The following CNTNAP2 variants were observed in gnomAD, a reference collection of about 807,000 sequenced individuals.
The protein encoded by CNTNAP2 is contactin-associated protein-like 2.
A neutral mutation model predicts 155.2 loss-of-function variants in CNTNAP2; 98 were observed. The ratio of observed to expected loss-of-function variants is 0.63; its 90% CI spans 0.54 to 0.75. The LOEUF is 0.75. CNTNAP2 is among the 30% of genes least tolerant of loss of function. The pLI is 0.00. For synonymous variants in CNTNAP2, 651 were observed against 631.2 expected (o/e 1.03, Z -0.47); for missense variants, 1,727 against 1,688.1 (o/e 1.02, Z -0.40).
chr7:146,127,929 CA>C (rs1797659697), intron 1 of CNTNAP2, among the ~76,000 whole-genome samples: 1 of 152,062 alleles, frequency 6.6e-6, no homozygotes, highest in African/African-American at 2.4e-5. Flanking sequence ...TTTAATATGA[CA>C]AAAATATAAT....
rs1395426662 is a variant in CNTNAP2 at position 148,069,490 on chromosome 7, C to T, written c.2384-48628C>T. Among the ~76,000 whole-genome samples the T allele has an allele frequency of 6.6e-5, 10 of 152,158 alleles. 1 individual carries two copies. The highest frequency in any genetic ancestry group is 3.9e-4 in the Admixed American group (6 of 15,274). On this transcript the variant is annotated intron_variant, in intron 15 of 23. Coordinates refer to ENST00000361727, the MANE Select transcript of CNTNAP2 (RefSeq NM_014141.6). ...TCAAAAAGAAGGGCGAGGCCGGGCA[C>T]GGTGGCTCACACCTGTAATTCCAGC...
chr7:147,600,332 A>G (rs553913722), intron 12 of CNTNAP2, among the ~76,000 whole-genome samples: 53 of 152,294 alleles, frequency 3.5e-4, no homozygotes, highest in Middle Eastern at 3.4e-3. Flanking sequence ...GAAGAGCCAG[A>G]TGGTAAATAA....
chr7:147,034,472 G>A (rs888863559), intron 3 of CNTNAP2, among the ~76,000 whole-genome samples: 9 of 152,152 alleles, frequency 5.9e-5, no homozygotes, highest in African/African-American at 2.2e-4. Context: ...AGCTCCTGAA[G>A]CCCTAGTGGG....
intron 8 of CNTNAP2, among the ~76,000 whole-genome samples, chr7:147,153,039 GA>G (rs1156735891): frequency 6.6e-6 from 1 of 151,800 alleles, no homozygotes; most frequent in Non-Finnish European, 1.5e-5. Context: ...GGTGAGGGAG[GA>G]AAGGCATTTA....
intron 8 of CNTNAP2, among the ~76,000 whole-genome samples, chr7:147,145,340 A>G (rs1301428266): frequency 6.6e-6 from 1 of 152,076 alleles, no homozygotes; most frequent in African/African-American, 2.4e-5. Context: ...ACAGCTGGAG[A>G]GTGGGGGGTA....
At chr7:146,212,993 T>C (rs970208896) in intron 1 of CNTNAP2, among the ~76,000 whole-genome samples, 2 of 152,192 alleles carry the variant, frequency 1.3e-5, no homozygotes, top group Non-Finnish European at 2.9e-5. Context: ...AAGTCTAAAG[T>C]GCTCTCAACA....
intron 8 of CNTNAP2, among the ~76,000 whole-genome samples, chr7:147,198,419 A>T (rs1289672395): frequency 6.6e-6 from 1 of 151,990 alleles, no homozygotes; most frequent in South Asian, 2.1e-4. Context: ...TTTAGTAGAG[A>T]CAGGGTTTCA....
chr7:147,433,472 C>G (rs1187500724), intron 10 of CNTNAP2, among the ~76,000 whole-genome samples: 1 of 152,096 alleles, frequency 6.6e-6, no homozygotes, highest in Non-Finnish European at 1.5e-5. Context: ...GCAGGGCACT[C>G]TGGGACAACT....
chr7:147,120,771 A>C (rs1304303391), intron 5 of CNTNAP2, among the ~76,000 whole-genome samples: 1 of 151,796 alleles, frequency 6.6e-6, no homozygotes, highest in Non-Finnish European at 1.5e-5. Flanking sequence ...TCCCAATGCT[A>C]TCCCTCCCCC....
intron 3 of CNTNAP2, among the ~76,000 whole-genome samples, chr7:146,858,575 T>A (rs1171090119): frequency 6.6e-6 from 1 of 152,136 alleles, no homozygotes; most frequent in Non-Finnish European, 1.5e-5. Flanking sequence ...ATGCCTGTAG[T>A]TCCAGCTCCT....
At chr7:147,078,874 C>G (rs1006774243) in intron 4 of CNTNAP2, among the ~76,000 whole-genome samples, 1 of 152,012 alleles carries the variant, frequency 6.6e-6, no homozygotes, top group Admixed American at 6.6e-5. Context: ...GTCAGTCTCC[C>G]GAGTAGCTGG....
chr7:146,626,333 T>TCTA (rs904234943), intron 1 of CNTNAP2, among the ~76,000 whole-genome samples: 3 of 152,158 alleles, frequency 2.0e-5, no homozygotes, highest in African/African-American at 4.8e-5. Flanking sequence ...GGTTTGCAAA[T>TCTA]CAGGTTCTTA....
At chr7:146,515,159 G>T (rs1797522701) in intron 1 of CNTNAP2, among the ~76,000 whole-genome samples, 1 of 151,950 alleles carries the variant, frequency 6.6e-6, no homozygotes, top group African/African-American at 2.4e-5. Flanking sequence ...TCACACTATG[G>T]TTGCAAGCCC....
intron 3 of CNTNAP2, among the ~76,000 whole-genome samples, chr7:146,857,231 G>A (rs1795008762): frequency 6.6e-6 from 1 of 151,930 alleles, no homozygotes; most frequent in Admixed American, 6.6e-5. Flanking sequence ...GAGAGAGAGA[G>A]AGAGAATGAT....
intron 3 of CNTNAP2, among the ~76,000 whole-genome samples, chr7:146,942,668 G>A (rs11974567): frequency 6.6e-6 from 1 of 152,056 alleles, no homozygotes; most frequent in Non-Finnish European, 1.5e-5. Flanking sequence ...AACAAAGAAT[G>A]CATGTTCAAC....
At chr7:147,456,710 T>G (rs1463559153) in intron 10 of CNTNAP2, among the ~76,000 whole-genome samples, 1 of 151,604 alleles carries the variant, frequency 6.6e-6, no homozygotes, top group East Asian at 1.9e-4. Context: ...TTTAGAAAAA[T>G]TAATCACAGG....
intron 15 of CNTNAP2, among the ~76,000 whole-genome samples, chr7:148,096,864 AT>A (rs1803982475): frequency 1.3e-5 from 2 of 152,178 alleles, no homozygotes; most frequent in East Asian, 3.8e-4. Flanking sequence ...ATATCCCTTA[AT>A]ATAACTCAAA....
At chr7:146,927,593 T>G (rs192662809) in intron 3 of CNTNAP2, among the ~76,000 whole-genome samples, 1 of 147,326 alleles carries the variant, frequency 6.8e-6, no homozygotes, top group East Asian at 1.9e-4. Flanking sequence ...TATACAATAT[T>G]ACTCCTGGAA....
chr7:147,977,819 A>G (rs758952018), intron 14 of CNTNAP2, 43 bp from the exon 15 acceptor site: 1 of 1,613,500 alleles, frequency 6.2e-7, no homozygotes, highest in Non-Finnish European at 8.5e-7. Context: ...CATATGTCTA[A>G]TGCAGCCTCC....
Sources: allele counts gnomAD v4.1 joint callset (sites outside exome capture counted in the v4.1 genomes callset), GRCh38; gene constraint gnomAD v4.1.1; transcripts MANE v1.5; gene names NCBI Gene and HGNC (gene_info 2026-07-23, HGNC 2026-07-21).